The following SPOCK3 variants were observed in gnomAD, a reference collection of about 807,000 sequenced individuals.
The protein encoded by SPOCK3 is SPARC (osteonectin), cwcv and kazal like domains proteoglycan 3.
A neutral mutation model predicts 56.6 loss-of-function variants in SPOCK3; 30 were observed. That is an observed-to-expected ratio of 0.53 (90% CI 0.40 to 0.72). SPOCK3 has a LOEUF of 0.72. SPOCK3 is among the 30% of genes least tolerant of loss of function. The pLI is 0.00. For synonymous variants in SPOCK3, 196 were observed against 183.3 expected, an observed-to-expected ratio of 1.07 and a Z score of -0.56; for missense variants, 527 against 530.0, an observed-to-expected ratio of 0.99 and a Z score of 0.06.
intron 6 of SPOCK3, among the ~76,000 whole-genome samples, chr4:166,821,625 C>A (rs980178682): frequency 1.3e-4 from 19 of 151,906 alleles, no homozygotes; most frequent in South Asian, 4.1e-4. Flanking sequence ...AGTACTGAAA[C>A]CTGCTACAAC....
intron 2 of SPOCK3, among the ~76,000 whole-genome samples, chr4:167,111,826 C>T (rs901955591): frequency 2.6e-5 from 4 of 151,698 alleles, no homozygotes; most frequent in South Asian, 2.1e-4. Flanking sequence ...GACATAATCA[C>T]GACTCACTGC....
intron 2 of SPOCK3, among the ~76,000 whole-genome samples, chr4:167,111,286 G>T (rs114596493): frequency 6.6e-6 from 1 of 151,912 alleles, no homozygotes; most frequent in Non-Finnish European, 1.5e-5. Flanking sequence ...AACAAAGCCC[G>T]CGGACTCAAG....
intron 9 of SPOCK3, among the ~76,000 whole-genome samples, chr4:166,740,682 C>T (rs376000720): frequency 1.0e-3 from 156 of 152,062 alleles, no homozygotes; most frequent in African/African-American, 3.4e-3. Flanking sequence ...CACACCACCA[C>T]GCCAGGCTAA....
At chr4:167,154,425 G>GA (rs1240931284) in intron 2 of SPOCK3, among the ~76,000 whole-genome samples, 1 of 151,958 alleles carries the variant, frequency 6.6e-6, no homozygotes, top group African/African-American at 2.4e-5. Context: ...CAGCAACCGA[G>GA]AAAAAATGAG....
At chr4:166,886,333 C>A (rs970169509) in intron 6 of SPOCK3, among the ~76,000 whole-genome samples, 8 of 152,018 alleles carry the variant, frequency 5.3e-5, no homozygotes, top group African/African-American at 1.9e-4. Context: ...AAAGGGACTG[C>A]AAAACACTGG....
At chr4:166,946,672 C>T (rs1741793152) in intron 4 of SPOCK3, among the ~76,000 whole-genome samples, 3 of 152,258 alleles carry the variant, frequency 2.0e-5, no homozygotes, top group East Asian at 1.9e-4. Flanking sequence ...GATCCCTCTT[C>T]CCCTACTCTA....
intron 2 of SPOCK3, among the ~76,000 whole-genome samples, chr4:167,140,604 TCA>T (rs1763452883): frequency 6.6e-6 from 1 of 152,012 alleles, no homozygotes; most frequent in African/African-American, 2.4e-5. Context: ...CTAAAAGTTG[TCA>T]CCACAACCAG....
At chr4:166,850,125 G>A (rs1019688645) in intron 6 of SPOCK3, among the ~76,000 whole-genome samples, 1 of 152,112 alleles carries the variant, frequency 6.6e-6, no homozygotes, top group African/African-American at 2.4e-5. Context: ...GGATCATATG[G>A]TAATTCTATT....
chr4:167,081,235 T>G (rs183897946), intron 2 of SPOCK3, among the ~76,000 whole-genome samples: 1 of 152,152 alleles, frequency 6.6e-6, no homozygotes, highest in Admixed American at 6.6e-5. Context: ...TAGCTTCAAT[T>G]TATTCAACTG....
intron 2 of SPOCK3, among the ~76,000 whole-genome samples, chr4:167,147,007 T>C (rs1434137869): frequency 6.6e-6 from 1 of 151,886 alleles, no homozygotes; most frequent in Non-Finnish European, 1.5e-5. Flanking sequence ...CTTCAAAAAA[T>C]CAATGAATCC....
intron 6 of SPOCK3, among the ~76,000 whole-genome samples, chr4:166,798,058 T>C (rs1235305465): frequency 6.6e-6 from 1 of 152,208 alleles, no homozygotes; most frequent in Non-Finnish European, 1.5e-5. Flanking sequence ...AGTGATGTTG[T>C]TGTAAACAAA....
At chr4:167,211,060 T>C (rs370602640) in intron 2 of SPOCK3, among the ~76,000 whole-genome samples, 2 of 152,216 alleles carry the variant, frequency 1.3e-5, no homozygotes, top group Non-Finnish European at 1.5e-5. Context: ...GATTAACATA[T>C]GTTATGTACT....
chr4:167,127,587 C>A (rs1456380155), intron 2 of SPOCK3, among the ~76,000 whole-genome samples: 2 of 152,052 alleles, frequency 1.3e-5, no homozygotes, highest in Non-Finnish European at 2.9e-5. Context: ...GCCACCACGC[C>A]CAGCTAATTT....
intron 2 of SPOCK3, among the ~76,000 whole-genome samples, chr4:167,109,707 C>T (rs1328092487): frequency 1.3e-5 from 2 of 148,398 alleles, no homozygotes; most frequent in Non-Finnish European, 3.0e-5. Context: ...TGCTAAGAAC[C>T]TAAAATTGCT....
intron 2 of SPOCK3, among the ~76,000 whole-genome samples, chr4:167,214,095 T>A (rs1032718503): frequency 5.3e-5 from 8 of 152,100 alleles, no homozygotes; most frequent in Admixed American, 5.2e-4. Context: ...TGAGTGTAGA[T>A]GCAAAGATGC....
In SPOCK3 at chr4:167,189,593, T is replaced by C. The variant is rs117163222; in HGVS notation, c.189+44392A>G. On this transcript the variant is annotated intron_variant, in intron 2 of 10. Coordinates refer to ENST00000357545, the MANE Select transcript of SPOCK3 (RefSeq NM_001040159.2). ...TGCCAAAACCAAGTTAATTAACACA[T>C]CCCTCATATCTCAAATAGCTACCAT... Among the ~76,000 whole-genome samples, 378 of 144,294 alleles carry C rather than the reference T, an allele frequency of 2.6e-3. 65 individuals carry two copies. The highest frequency in any genetic ancestry group is 0.019 in the East Asian group (90 of 4,700). 94.7% of individuals were successfully genotyped at this position (144,294 alleles called of 152,430 possible). A position where few individuals can be genotyped will look rare whatever the true frequency, so the allele number is the denominator to read the frequency against.
chr4:166,973,514 T>C (rs1232279125), intron 4 of SPOCK3, among the ~76,000 whole-genome samples: 1 of 152,158 alleles, frequency 6.6e-6, no homozygotes, highest in East Asian at 1.9e-4. Flanking sequence ...TTACAGGTTA[T>C]TGTCGCTGAA....
At chr4:166,919,618 A>G (rs1037912539) in intron 4 of SPOCK3, among the ~76,000 whole-genome samples, 8 of 152,150 alleles carry the variant, frequency 5.3e-5, no homozygotes, top group Non-Finnish European at 8.8e-5. Flanking sequence ...ACTTAATTCC[A>G]CACTATTTCA....
chr4:167,221,350 A>G (rs1465199908), intron 2 of SPOCK3, among the ~76,000 whole-genome samples: 2 of 152,184 alleles, frequency 1.3e-5, no homozygotes, highest in Non-Finnish European at 2.9e-5. Context: ...CCTGGGCAAC[A>G]GAGCAAATTG....
Sources: allele counts gnomAD v4.1 joint callset (sites outside exome capture counted in the v4.1 genomes callset), GRCh38; gene constraint gnomAD v4.1.1; transcripts MANE v1.5; gene names NCBI Gene and HGNC (gene_info 2026-07-23, HGNC 2026-07-21).